ADAM19: variants seen among roughly 807,000 people sequenced by gnomAD.
ADAM19 encodes ADAM metallopeptidase domain 19, also known as disintegrin and metalloproteinase domain-containing protein 19.
A neutral mutation model predicts 114.7 loss-of-function variants in ADAM19; 65 were observed. The observed-to-expected ratio is 0.57, with a 90% CI of 0.46 to 0.70. The LOEUF (loss-of-function observed/expected upper bound fraction) is 0.70, where lower values mean the gene tolerates loss of function less well. Among genes scored for constraint, ADAM19 ranks in the 30% least tolerant of loss-of-function variants. The pLI, the probability that ADAM19 is intolerant of heterozygous loss-of-function variation, is 0.00. For missense variants in ADAM19, 1,063 were observed against 1,204.7 expected, an observed-to-expected ratio of 0.88 and a Z score of 1.74; for synonymous variants, 466 against 460.5, an observed-to-expected ratio of 1.01 and a Z score of -0.15.
chr5:157,553,041 G>A (rs1323317073), intron 3 of ADAM19, among the ~76,000 whole-genome samples: 3 of 152,160 alleles, frequency 2.0e-5, no homozygotes, highest in Non-Finnish European at 2.9e-5. Flanking sequence ...CCAGAGGCTG[G>A]GAAGGGTGTA....
At chr5:157,528,017 T>C (rs1283288220) in intron 5 of ADAM19, among the ~76,000 whole-genome samples, 1 of 152,126 alleles carries the variant, frequency 6.6e-6, no homozygotes, top group African/African-American at 2.4e-5. Context: ...CATGGGAGCA[T>C]GTTTCCAGGA....
chr5:157,575,051 G>C (rs904992532), intron 1 of ADAM19, among the ~76,000 whole-genome samples: 9 of 152,232 alleles, frequency 5.9e-5, no homozygotes, highest in African/African-American at 1.9e-4. Flanking sequence ...GATCCGAAGT[G>C]TGTGGCTGCA....
At chr5:157,527,551 C>A (rs1000829188) in intron 5 of ADAM19, among the ~76,000 whole-genome samples, 6 of 152,152 alleles carry the variant, frequency 3.9e-5, no homozygotes, top group Non-Finnish European at 8.8e-5. Context: ...GTAAGAACTC[C>A]CTCACTATCA....
chr5:157,506,314 G>A (rs965489677), intron 10 of ADAM19, among the ~76,000 whole-genome samples: 8 of 152,208 alleles, frequency 5.3e-5, no homozygotes, highest in African/African-American at 1.9e-4. Context: ...CAGCAGGAAA[G>A]AAGCAGCAGA....
intron 5 of ADAM19, among the ~76,000 whole-genome samples, chr5:157,526,029 C>T (rs12516927): frequency 0.02 from 2,975 of 151,892 alleles, 92 homozygotes; most frequent in African/African-American, 0.066. Context: ...TTAGTACAAA[C>T]GATATTATGC....
chr5:157,524,776 T>C (rs1156957171), intron 5 of ADAM19, among the ~76,000 whole-genome samples: 1 of 152,246 alleles, frequency 6.6e-6, no homozygotes. Context: ...TGGTAAGTGA[T>C]GTAATAACAC....
chr5:157,482,862 A>G (rs909330180), intron 21 of ADAM19, among the ~76,000 whole-genome samples: 4 of 152,232 alleles, frequency 2.6e-5, no homozygotes, highest in Non-Finnish European at 5.9e-5. Context: ...TACACCATGG[A>G]ATACTATGCA....
rs1754656478 is a variant in ADAM19, at chr5:157,478,348, T to C, written c.*2601A>G. ...CAACGTCATTCCCTGAACGTGGTTC[T>C]TTCTAGCCATGTTTACTTCTTCCAA... On this transcript the variant is annotated 3_prime_UTR_variant, in exon 23 of 23. Coordinates refer to ENST00000257527, the MANE Select transcript of ADAM19 (RefSeq NM_033274.5). 1 of 154,994 alleles carries C rather than the reference T, an allele frequency of 6.5e-6. No homozygotes were observed. The highest frequency in any genetic ancestry group is 2.4e-5 in the African/African-American group (1 of 41,300). The allele number at this position is 154,994 out of a possible 1,614,324, so 9.6% of individuals were successfully genotyped here. A position where few individuals can be genotyped will look rare whatever the true frequency, so the allele number is the denominator to read the frequency against.
chr5:157,530,934 C>T, intron 4 of ADAM19, 51 bp from the exon 5 acceptor site: 1 of 1,474,766 alleles, frequency 6.8e-7, no homozygotes, highest in Non-Finnish European at 9.5e-7. Flanking sequence ...ATAAGCATGG[C>T]AATGTTAATA....
chr5:157,498,826 C>A (rs1423350029), intron 13 of ADAM19, among the ~76,000 whole-genome samples: 1 of 151,870 alleles, frequency 6.6e-6, no homozygotes, highest in African/African-American at 2.4e-5. Flanking sequence ...TTCTGTAATG[C>A]AATATAAATA....
chr5:157,513,948 T>C (rs941109512), intron 7 of ADAM19, among the ~76,000 whole-genome samples: 1 of 152,236 alleles, frequency 6.6e-6, no homozygotes, highest in Non-Finnish European at 1.5e-5. Context: ...AATCATCGAA[T>C]TGCTGCTGAA....
At chr5:157,488,636 T>A in intron 20 of ADAM19, 147 bp from the exon 21 acceptor site, 1 of 623,340 alleles carries the variant, frequency 1.6e-6, no homozygotes, top group Non-Finnish European at 2.8e-6. Context: ...AGATGCAACC[T>A]TTAAAGTCAT....
chr5:157,548,216 C>G (rs1757100430), intron 3 of ADAM19, among the ~76,000 whole-genome samples: 1 of 152,132 alleles, frequency 6.6e-6, no homozygotes. Context: ...GTTCCCCTTC[C>G]CCATGTTCCT....
In ADAM19 at chr5:157,477,814, G is replaced by T; in HGVS notation, c.*3135C>A. ...TTGGAAAGGCGTATTGCAGGAGGTG[G>T]GGAGGGGCTATTGCTTCAGGGGGAA... On this transcript the variant is annotated 3_prime_UTR_variant, in exon 23 of 23. Transcript: ENST00000257527. The T allele has an allele frequency of 9.8e-7, 1 of 1,020,586 alleles. No homozygotes were observed. Among genetic ancestry groups the T allele is most frequent in the Non-Finnish European group, 1.3e-6 (1 of 744,468 alleles). The allele number at this position is 1,020,586 out of a possible 1,614,324, so 63.2% of individuals were successfully genotyped here. A position where few individuals can be genotyped will look rare whatever the true frequency, so the allele number is the denominator to read the frequency against.
intron 3 of ADAM19, among the ~76,000 whole-genome samples, chr5:157,538,732 A>C (rs954250726): frequency 6.6e-6 from 1 of 152,228 alleles, no homozygotes; most frequent in African/African-American, 2.4e-5. Flanking sequence ...ACAGGTTAAG[A>C]ATCCCCTCAC....
chr5:157,520,313 G>A (rs1408968333), intron 5 of ADAM19, among the ~76,000 whole-genome samples: 7 of 120,482 alleles, frequency 5.8e-5, no homozygotes, highest in South Asian at 5.5e-4. Context: ...CAAGCTCATC[G>A]TGAGACTCCA....
intron 3 of ADAM19, among the ~76,000 whole-genome samples, chr5:157,550,114 G>A (rs72811341): frequency 0.23 from 35,653 of 152,090 alleles, 4,221 homozygotes; most frequent in South Asian, 0.37. Context: ...GAATGACTGT[G>A]CTCCTTTTCT....
chr5:157,491,939 A>G (rs773035417), intron 16 of ADAM19, 27 bp from the exon 17 acceptor site: 1 of 1,610,952 alleles, frequency 6.2e-7, no homozygotes, highest in South Asian at 1.1e-5. Context: ...CAGAACGATC[A>G]GTGCAATGGG....
In ADAM19 at chr5:157,479,859, G is replaced by C. The variant is rs1754692967; in HGVS notation, c.*1090C>G. On this transcript the variant is annotated 3_prime_UTR_variant, in exon 23 of 23. Coordinates refer to ENST00000257527, the MANE Select transcript of ADAM19 (RefSeq NM_033274.5). ...CCTCGTGTGTACTTTGTAAATAGCT[G>C]GGCTCCCTAAGGGGAAACCTCACCT... 1 of 985,434 alleles carries C rather than the reference G, an allele frequency of 1.0e-6. No individual in the cohort carries two copies. The highest frequency in any genetic ancestry group is 1.2e-6 in the Non-Finnish European group (1 of 829,994). The allele number at this position is 985,434 out of a possible 1,614,324, so 61.0% of individuals were successfully genotyped here. A position where few individuals can be genotyped will look rare whatever the true frequency, so the allele number is the denominator to read the frequency against.
Sources: allele counts gnomAD v4.1 joint callset (sites outside exome capture counted in the v4.1 genomes callset), GRCh38; gene constraint gnomAD v4.1.1; transcripts MANE v1.5; gene names NCBI Gene and HGNC (gene_info 2026-07-23, HGNC 2026-07-21).